PSMG2: variants seen among roughly 807,000 people sequenced by gnomAD.
PSMG2 encodes CD40 ligand-activated specific transcript 3.
PSMG2 carries 21 observed loss-of-function variants against 31.5 expected under a neutral mutation model. That is an observed-to-expected ratio of 0.67 (90% CI 0.47 to 0.96). The LOEUF (loss-of-function observed/expected upper bound fraction) is 0.96, where lower values mean the gene tolerates loss of function less well. Among genes scored for constraint, PSMG2 ranks in the 40% least tolerant of loss-of-function variants. The pLI is 0.00. For synonymous variants in PSMG2, 120 were observed against 110.4 expected (o/e 1.09, Z -0.54); for missense variants, 318 against 321.2 (o/e 0.99, Z 0.08).
chr18:12,717,461 C>T (rs753573049), intron 3 of PSMG2, among the ~76,000 whole-genome samples: 1 of 152,212 alleles, frequency 6.6e-6, no homozygotes, highest in Non-Finnish European at 1.5e-5. Flanking sequence ...CTTGATCTCT[C>T]GCTATGCGCG....
upstream of PSMG2, chr18:12,702,589 G>T (rs760560267): frequency 6.3e-7 from 1 of 1,587,274 alleles, no homozygotes; most frequent in Non-Finnish European, 8.5e-7. Context: ...CCCCGCCTCA[G>T]ATGCCCTAAC....
upstream of PSMG2, among the ~76,000 whole-genome samples, chr18:12,698,275 C>A (rs2040030477): frequency 6.6e-6 from 1 of 151,878 alleles, no homozygotes; most frequent in Non-Finnish European, 1.5e-5. Context: ...GTTGCCCAGG[C>A]TGGAGTGCAA....
At chr18:12,723,042 G>A (rs2040445217) in intron 5 of PSMG2, among the ~76,000 whole-genome samples, 3 of 152,244 alleles carry the variant, frequency 2.0e-5, no homozygotes, top group African/African-American at 7.2e-5. Context: ...CTGGGCTAGG[G>A]TGAGTGAGGC....
chr18:12,676,435 C>A (rs941410974), intron 1 of PSMG2, among the ~76,000 whole-genome samples: 4 of 150,808 alleles, frequency 2.7e-5, no homozygotes, highest in Non-Finnish European at 5.9e-5. Flanking sequence ...CCACCACACC[C>A]GGCTAATTTT....
At chr18:12,678,265 T>A in intron 1 of PSMG2, 3 of 1,614,124 alleles carry the variant, frequency 1.9e-6, no homozygotes, top group Non-Finnish European at 1.7e-6. Context: ...CACTCATGGG[T>A]TTCCATTTGG....
At chr18:12,688,758 G>A (rs576134137) in intron 1 of PSMG2, among the ~76,000 whole-genome samples, 1 of 152,236 alleles carries the variant, frequency 6.6e-6, no homozygotes, top group South Asian at 2.1e-4. Flanking sequence ...CATTTTGAAT[G>A]CTCAGTACAT....
chr18:12,699,905 C>A, upstream of PSMG2: 1 of 1,573,946 alleles, frequency 6.4e-7, no homozygotes, highest in South Asian at 1.2e-5. Context: ...TCAACACTGT[C>A]CTAGAAAGGC....
At chr18:12,712,848 T>A (rs1052666255) in intron 3 of PSMG2, 88 bp downstream of exon 3, 1 of 1,004,258 alleles carries the variant, frequency 1.0e-6, no homozygotes, top group Non-Finnish European at 1.5e-6. Flanking sequence ...AAATTACTAC[T>A]GTTTTTACCA....
intron 1 of PSMG2, chr18:12,674,586 T>C: frequency 6.2e-7 from 1 of 1,614,138 alleles, no homozygotes; most frequent in Non-Finnish European, 8.5e-7. Flanking sequence ...CAAAATGTAT[T>C]GGGAACCCTT....
intron 1 of PSMG2, among the ~76,000 whole-genome samples, chr18:12,669,417 T>G (rs2038884230): frequency 6.6e-6 from 1 of 151,818 alleles, no homozygotes; most frequent in Non-Finnish European, 1.5e-5. Context: ...TGGCCCCAAT[T>G]TTTTTTATTT....
intron 1 of PSMG2, among the ~76,000 whole-genome samples, chr18:12,697,632 C>T (rs1374761832): frequency 6.6e-6 from 1 of 152,214 alleles, no homozygotes; most frequent in African/African-American, 2.4e-5. Flanking sequence ...TATCCAGTAA[C>T]TTACAGCATA....
intron 3 of PSMG2, among the ~76,000 whole-genome samples, chr18:12,713,072 A>C (rs571293969): frequency 4.6e-5 from 7 of 152,336 alleles, no homozygotes; most frequent in Non-Finnish European, 8.8e-5. Flanking sequence ...GCATCTACAT[A>C]TAAACTATGT....
chr18:12,699,059 A>G, upstream of PSMG2: 1 of 1,614,134 alleles, frequency 6.2e-7, no homozygotes, highest in Non-Finnish European at 8.5e-7. Context: ...TTTAGAACGA[A>G]AACGTTGGTT....
chr18:12,710,584 T>A (rs1270795704), intron 2 of PSMG2, among the ~76,000 whole-genome samples: 1 of 152,204 alleles, frequency 6.6e-6, no homozygotes, highest in East Asian at 1.9e-4. Context: ...CTAGGTGTAT[T>A]GTTTTGTACA....
upstream of PSMG2, chr18:12,699,774 C>T (rs2040087534): frequency 8.1e-6 from 8 of 985,404 alleles, no homozygotes; most frequent in South Asian, 9.9e-5. Context: ...CGAAAGACTA[C>T]ACCACATCAA....
In PSMG2 at chr18:12,718,606, A is replaced by G; in HGVS notation, c.378A>G (p.Ser126=). The stretch of plus-strand genomic sequence containing the variant: ...TCATTGTTCTTTCAAGCAGTCATTC[A>G]TATCAGCGTAATGATCTGCAGCTTC... ...ARVIVLSSSH[S]YQRNDLQLRS... is the part of the protein sequence containing the mutation. Residue 126 remains serine (S), a synonymous_variant, in exon 4 of 7, where the codon TCA becomes TCG. Transcript: ENST00000317615. 1.2e-6 allele frequency: 2 copies of G among 1,608,876 alleles called. No individual in the cohort carries two copies. Among genetic ancestry groups the G allele is most frequent in the South Asian group, 2.2e-5 (2 of 90,464 alleles).
chr18:12,699,877 G>A, upstream of PSMG2: 2 of 1,597,154 alleles, frequency 1.3e-6, no homozygotes, highest in Non-Finnish European at 1.7e-6. Context: ...TTGTTTTGGA[G>A]AGGAAGGGAG....
At chr18:12,673,541 A>C (rs755939319) in intron 1 of PSMG2, 2 of 1,466,310 alleles carry the variant, frequency 1.4e-6, no homozygotes, top group South Asian at 2.5e-5. Context: ...TTAAGAAGTG[A>C]CCATACACTT....
At chr18:12,705,941 ACT>A (rs1238437763) in intron 1 of PSMG2, among the ~76,000 whole-genome samples, 1 of 151,810 alleles carries the variant, frequency 6.6e-6, no homozygotes, top group East Asian at 1.9e-4. Flanking sequence ...CAGGTAAACC[ACT>A]CTCACTGGAA....
Sources: allele counts gnomAD v4.1 joint callset (sites outside exome capture counted in the v4.1 genomes callset), GRCh38; gene constraint gnomAD v4.1.1; transcripts MANE v1.5; gene names NCBI Gene and HGNC (gene_info 2026-07-23, HGNC 2026-07-21).